Variants in STIM2 observed in about 807,000 individuals in gnomAD.
STIM2 encodes stromal interaction molecule 2.
In STIM2, 31 loss-of-function variants were observed where a neutral mutation model predicts 85.8. That is an observed-to-expected ratio of 0.36 (90% confidence interval 0.27 to 0.49). STIM2 has a LOEUF of 0.49. STIM2 is among the 20% of genes least tolerant of loss of function. STIM2 has a pLI of 0.98. For synonymous variants in STIM2, 356 were observed against 331.1 expected (o/e 1.08, Z -0.82); for missense variants, 841 against 927.6 (o/e 0.91, Z 1.21).
intron 3 of STIM2, among the ~76,000 whole-genome samples, chr4:26,983,559 CT>C (rs1727480047): frequency 6.6e-6 from 1 of 152,056 alleles, no homozygotes; most frequent in East Asian, 1.9e-4. Context: ...GTACAGTTGC[CT>C]TGAAAATATT....
chr4:26,950,779 C>A (rs1346466712), intron 2 of STIM2, among the ~76,000 whole-genome samples: 2 of 152,166 alleles, frequency 1.3e-5, no homozygotes. Context: ...TCATGTGACC[C>A]TATGACTCTG....
At chr4:26,966,865 ATCTT>A (rs1726745134) in intron 3 of STIM2, among the ~76,000 whole-genome samples, 1 of 152,124 alleles carries the variant, frequency 6.6e-6, no homozygotes, top group South Asian at 2.1e-4. Flanking sequence ...TAAAGCTTAT[ATCTT>A]TCTATCTTTC....
intron 10 of STIM2, among the ~76,000 whole-genome samples, chr4:27,010,029 T>G (rs1728507126): frequency 6.6e-6 from 1 of 152,196 alleles, no homozygotes; most frequent in African/African-American, 2.4e-5. Context: ...CATATGTCCG[T>G]TAAAAGGAAA....
At chr4:26,880,682 A>AATATATATGTAT (rs1560192606) in intron 1 of STIM2, among the ~76,000 whole-genome samples, 3 of 142,606 alleles carry the variant, frequency 2.1e-5, no homozygotes, top group Non-Finnish European at 4.6e-5. Context: ...TATATATGTA[A>AATATATATGTAT]ATATATATAT....
intron 1 of STIM2, among the ~76,000 whole-genome samples, chr4:26,890,648 C>G (rs966888290): frequency 1.3e-5 from 2 of 151,802 alleles, no homozygotes; most frequent in African/African-American, 4.8e-5. Flanking sequence ...AACGTTGAAA[C>G]CCCGTCTCTA....
chr4:26,956,531 A>T (rs1226370241), intron 2 of STIM2, among the ~76,000 whole-genome samples: 1 of 151,222 alleles, frequency 6.6e-6, no homozygotes, highest in Non-Finnish European at 1.5e-5. Flanking sequence ...GCAGCCTCAA[A>T]CTCCTGGGCT....
chr4:26,993,151 G>T (rs1727824461), intron 3 of STIM2, among the ~76,000 whole-genome samples: 1 of 151,984 alleles, frequency 6.6e-6, no homozygotes, highest in African/African-American at 2.4e-5. Flanking sequence ...GAGTTTTTTG[G>T]CAGTGAGGAC....
At chr4:27,003,613 A>G (rs4692137) in intron 7 of STIM2, among the ~76,000 whole-genome samples, 58,936 of 151,832 alleles carry the variant, frequency 0.39, 12,680 homozygotes, top group Non-Finnish European at 0.48. Context: ...AGTCCTTTGG[A>G]GAAGGTGAGG....
intron 10 of STIM2, among the ~76,000 whole-genome samples, chr4:27,012,395 T>G (rs1324954461): frequency 2.6e-5 from 4 of 152,080 alleles, no homozygotes; most frequent in Non-Finnish European, 5.9e-5. Context: ...ATCTTTTCTA[T>G]CTTTAAGTAA....
At chr4:26,952,717 A>G (rs1247079997) in intron 2 of STIM2, among the ~76,000 whole-genome samples, 1 of 152,128 alleles carries the variant, frequency 6.6e-6, no homozygotes, top group Non-Finnish European at 1.5e-5. Context: ...AGAGAGAAAC[A>G]TGGGCAGTTC....
intron 1 of STIM2, among the ~76,000 whole-genome samples, chr4:26,875,704 T>G (rs2109032207): frequency 6.6e-6 from 1 of 152,310 alleles, no homozygotes; most frequent in East Asian, 1.9e-4. Context: ...ATGACATATT[T>G]ATAGACAATT....
At chr4:26,906,717 C>T (rs1186195878) in intron 1 of STIM2, among the ~76,000 whole-genome samples, 1 of 151,890 alleles carries the variant, frequency 6.6e-6, no homozygotes, top group Non-Finnish European at 1.5e-5. Context: ...GATTGATTGC[C>T]TGAGCAGTTT....
At chr4:26,942,085 C>T (rs1198395013) in intron 2 of STIM2, among the ~76,000 whole-genome samples, 1 of 152,138 alleles carries the variant, frequency 6.6e-6, no homozygotes, top group Non-Finnish European at 1.5e-5. Flanking sequence ...AGCAATCTAA[C>T]AACTAACTGT....
intron 3 of STIM2, among the ~76,000 whole-genome samples, chr4:26,967,154 T>A (rs1307067265): frequency 6.6e-6 from 1 of 152,224 alleles, no homozygotes; most frequent in East Asian, 1.9e-4. Flanking sequence ...TTATCGTTTT[T>A]ATTTCCAGCA....
intron 2 of STIM2, among the ~76,000 whole-genome samples, chr4:26,956,739 G>A (rs1726257760): frequency 1.3e-5 from 2 of 152,084 alleles, no homozygotes; most frequent in African/African-American, 2.4e-5. Flanking sequence ...TATTTATTAT[G>A]TTTTGAAACA....
chr4:26,930,709 AAAG>A (rs1357683335), intron 2 of STIM2, among the ~76,000 whole-genome samples: 1 of 152,206 alleles, frequency 6.6e-6, no homozygotes, highest in Admixed American at 6.5e-5. Context: ...ATTAGACAAA[AAAG>A]AAGGCAATGC....
At chr4:27,002,793 T>G in intron 6 of STIM2, 134 bp from the exon 7 acceptor site, 1 of 879,954 alleles carries the variant, frequency 1.1e-6, no homozygotes, top group Non-Finnish European at 1.6e-6. Flanking sequence ...TAACCAAACT[T>G]AAGGCTAATG....
rs568570816 is a variant in STIM2 at position 26,923,124 on chromosome 4, G to C, written c.282+3490G>C. ...CCCCCCAGCAGGGGCACACTGACAC[G>C]TCACACGGCAGGGTATTCCAACAGA... is the stretch of plus-strand genomic sequence containing the variant. On this transcript the variant is annotated intron_variant, in intron 2 of 11. Transcript: ENST00000467087. Among the ~76,000 whole-genome samples, 31 of 149,716 alleles carry C rather than the reference G, an allele frequency of 2.1e-4. No individual in the cohort carries two copies. The East Asian group carries it at 2.3e-3, about 11-fold the overall frequency.
chr4:26,871,876 ATAGCC>A (rs1250098387), intron 1 of STIM2, among the ~76,000 whole-genome samples: 1 of 152,156 alleles, frequency 6.6e-6, no homozygotes. Flanking sequence ...GATGAAGAGC[ATAGCC>A]TCTAGACTAG....
Sources: allele counts gnomAD v4.1 joint callset (sites outside exome capture counted in the v4.1 genomes callset), GRCh38; gene constraint gnomAD v4.1.1; transcripts MANE v1.5; gene names NCBI Gene and HGNC (gene_info 2026-07-23, HGNC 2026-07-21).